Variants in PPA2 observed in about 807,000 individuals in gnomAD.
PPA2 encodes inorganic pyrophosphatase 2, mitochondrial.
In PPA2, 48 loss-of-function variants were observed where a neutral mutation model predicts 49.5. The ratio of observed to expected loss-of-function variants is 0.97; its 90% CI spans 0.77 to 1.23. The LOEUF (loss-of-function observed/expected upper bound fraction) is 1.23. Ranked by LOEUF, PPA2 falls within the 50% of genes most tolerant of loss-of-function variation. The probability of loss-of-function intolerance (pLI) is 0.00; values close to 1 mark genes in which losing one functional copy is unlikely to be tolerated. For missense variants in PPA2, 429 were observed against 410.1 expected, an observed-to-expected ratio of 1.05 and a Z score of -0.40; for synonymous variants, 131 against 139.9, an observed-to-expected ratio of 0.94 and a Z score of 0.45.
intron 7 of PPA2, 123 bp downstream of exon 7, chr4:105,424,073 A>G: frequency 9.9e-7 from 1 of 1,011,656 alleles, no homozygotes; most frequent in Non-Finnish European, 1.4e-6. Flanking sequence ...TTGTCTATCT[A>G]CATCTTTTCC....
rs1305639376 is a variant in PPA2, at chr4:105,386,226, A to G, written c.939+341T>C. Reference sequence around the variant, plus strand: ...GGAACTGTGCCAATAGCCAGTTCCAATGTAGACACGGACAGAGGATAATTC... The same window carrying G: ...GGAACTGTGCCAATAGCCAGTTCCAGTGTAGACACGGACAGAGGATAATTC... On this transcript the variant is annotated intron_variant, in intron 10 of 11. Coordinates refer to ENST00000341695, the MANE Select transcript of PPA2 (RefSeq NM_176869.3). Among the ~76,000 whole-genome samples, 5 of 152,166 alleles carry G rather than the reference A, an allele frequency of 3.3e-5. No individual in the cohort carries two copies. The South Asian group carries it at 8.3e-4, about 25-fold the overall frequency.
In PPA2 at chr4:105,410,056, G is replaced by C. The variant is rs1269744099; in HGVS notation, c.656-10892C>G. ...CAGCAATGGAACAAAGCTGGATGGA[G>C]AATGAGTTTGATGAGTGGACAGAAG... On this transcript the variant is annotated intron_variant, in intron 7 of 11. Transcript: ENST00000341695. Among the ~76,000 whole-genome samples the C allele has an allele frequency of 2.6e-5, 4 of 152,366 alleles. No individual in the cohort carries two copies. In the East Asian group the frequency reaches 7.7e-4, roughly 29 times the overall value.
intron 1 of PPA2, among the ~76,000 whole-genome samples, chr4:105,463,862 G>A (rs1164498702): frequency 6.6e-6 from 1 of 152,226 alleles, no homozygotes; most frequent in African/African-American, 2.4e-5. Flanking sequence ...GATTTCAGGT[G>A]TATGAAAACA....
intron 7 of PPA2, among the ~76,000 whole-genome samples, chr4:105,419,949 T>C (rs560659850): frequency 1.8e-4 from 21 of 118,886 alleles, no homozygotes; most frequent in Middle Eastern, 4.3e-3. Flanking sequence ...CAGCTTCTTT[T>C]TCTTTCTTTT....
intron 1 of PPA2, among the ~76,000 whole-genome samples, chr4:105,465,646 G>T (rs1482664071): frequency 6.6e-6 from 1 of 152,138 alleles, no homozygotes; most frequent in African/African-American, 2.4e-5. Context: ...TTGACAGCTG[G>T]CTGGGTAGAA....
intron 1 of PPA2, among the ~76,000 whole-genome samples, chr4:105,457,582 C>T (rs1364492260): frequency 6.6e-6 from 1 of 151,626 alleles, no homozygotes; most frequent in Non-Finnish European, 1.5e-5. Flanking sequence ...CCAGCAACCA[C>T]ATCTTGGTTT....
intron 6 of PPA2, among the ~76,000 whole-genome samples, chr4:105,433,391 A>T (rs1225743150): frequency 6.6e-6 from 1 of 152,220 alleles, no homozygotes; most frequent in Non-Finnish European, 1.5e-5. Context: ...AATTACAGGT[A>T]AACAACTAAG....
At chr4:105,431,703 A>T (rs1277698014) in intron 6 of PPA2, among the ~76,000 whole-genome samples, 3 of 152,244 alleles carry the variant, frequency 2.0e-5, no homozygotes, top group African/African-American at 7.2e-5. Flanking sequence ...TAATGAATGG[A>T]TAAGTAAAAG....
chr4:105,370,532 A>G (rs1462429118), intron 11 of PPA2: 1 of 897,142 alleles, frequency 1.1e-6, no homozygotes, highest in Non-Finnish European at 1.3e-6. Flanking sequence ...TTTTTTTTTA[A>G]TTAAATCTTT....
At chr4:105,456,871 T>C in intron 1 of PPA2, 126 bp from the exon 2 acceptor site, 1 of 653,010 alleles carries the variant, frequency 1.5e-6, no homozygotes, top group South Asian at 3.7e-5. Flanking sequence ...TAACTTTAAC[T>C]CCCAACTTAA....
rs1723652702 is a variant in PPA2 at position 105,428,785 on chromosome 4, T to C, written c.529-4463A>G. On this transcript the variant is annotated intron_variant, in intron 6 of 11. Transcript: ENST00000341695. ...TATACCTACGTAACAAAACTGCACG[T>C]TTTGCACATGTAACCCAGAACTTAA... Among the ~76,000 whole-genome samples, 6 of 152,032 alleles carry C rather than the reference T, an allele frequency of 3.9e-5. No individual in the cohort carries two copies. The South Asian group carries it at 1.2e-3, about 32-fold the overall frequency.
intron 1 of PPA2, among the ~76,000 whole-genome samples, chr4:105,458,399 G>C (rs1251330549): frequency 2.0e-5 from 3 of 152,152 alleles, no homozygotes; most frequent in African/African-American, 7.2e-5. Flanking sequence ...GATAAAATTA[G>C]GGAAAAACTG....
intron 10 of PPA2, among the ~76,000 whole-genome samples, chr4:105,385,157 A>G (rs938042785): frequency 6.6e-6 from 1 of 152,132 alleles, no homozygotes; most frequent in African/African-American, 2.4e-5. Flanking sequence ...CTGCCTTTTT[A>G]ATAACTACAA....
intron 9 of PPA2, among the ~76,000 whole-genome samples, chr4:105,388,202 T>C (rs1560607445): frequency 6.6e-6 from 1 of 152,128 alleles, no homozygotes; most frequent in Non-Finnish European, 1.5e-5. Flanking sequence ...CACACACACT[T>C]ACATGGAATA....
chr4:105,458,680 G>C (rs1269316783), intron 1 of PPA2, among the ~76,000 whole-genome samples: 1 of 151,736 alleles, frequency 6.6e-6, no homozygotes, highest in Non-Finnish European at 1.5e-5. Flanking sequence ...AAATTAGCTG[G>C]GCGTGGTGGT....
At chr4:105,448,421 A>C (rs12108243) in intron 4 of PPA2, among the ~76,000 whole-genome samples, 5,450 of 152,160 alleles carry the variant, frequency 0.036, 322 homozygotes, top group African/African-American at 0.12. Flanking sequence ...AAGTTATAGA[A>C]GGTTTATATA....
Position 105,426,321 on chromosome 4 carries a change from T to C in PPA2, c.529-1999A>G, listed in dbSNP as rs147857860. 3.0e-3 allele frequency among the ~76,000 whole-genome samples: 456 copies of C among 152,258 alleles called. 5 individuals carry two copies. Among genetic ancestry groups the C allele is most frequent in the African/African-American group, 0.011 (438 of 41,544 alleles). ...AAACTGAGGTACCTGGTTCATCTCA[T>C]TGGGACTGGTTGGACAGTGGGTGCA... On this transcript the variant is annotated intron_variant, in intron 6 of 11. Coordinates refer to ENST00000341695, the MANE Select transcript of PPA2 (RefSeq NM_176869.3).
At chr4:105,384,824 G>T (rs1733618766) in intron 10 of PPA2, among the ~76,000 whole-genome samples, 1 of 152,110 alleles carries the variant, frequency 6.6e-6, no homozygotes, top group African/African-American at 2.4e-5. Context: ...CCACTCCTTT[G>T]CTGAAAATAT....
At position 105,469,756 on chromosome 4, in the gene PPA2, C is replaced by T. The variant is rs139099965; in HGVS notation, c.157+4138G>A. On this transcript the variant is annotated intron_variant, in intron 1 of 11. Transcript: ENST00000341695. Reference sequence around the variant, plus strand: ...ATAAAATACTTTTTCTATATTCACACAAAACCCATTGTGTTCCATTATATC... The same window carrying T: ...ATAAAATACTTTTTCTATATTCACATAAAACCCATTGTGTTCCATTATATC... Among the ~76,000 whole-genome samples, 1,077 of 152,314 alleles carry T rather than the reference C, an allele frequency of 7.1e-3. 15 individuals are homozygous for T. Among genetic ancestry groups the T allele is most frequent in the African/African-American group, 0.024 (1,015 of 41,578 alleles).
Sources: gnomAD v4.1 joint callset for allele counts (sites outside exome capture counted in the v4.1 genomes callset) on GRCh38, gnomAD v4.1.1 for gene constraint, MANE v1.5 for transcripts, NCBI Gene and HGNC (gene_info 2026-07-23, HGNC 2026-07-21) for gene names.